PTPRD: variants seen among roughly 807,000 people sequenced by gnomAD.
The protein encoded by PTPRD is protein tyrosine phosphatase receptor type D.
Under a neutral mutation model 214.5 loss-of-function variants are expected in PTPRD, and 34 were observed. The observed-to-expected ratio is 0.16, with a 90% CI of 0.12 to 0.21. The LOEUF (loss-of-function observed/expected upper bound fraction) is 0.21, where lower values mean the gene tolerates loss of function less well. PTPRD is among the 10% of genes least tolerant of loss of function. PTPRD has a pLI of 1.00. For missense variants in PTPRD, 2,545 were observed against 2,398.7 expected, an observed-to-expected ratio of 1.06 and a Z score of -1.27; for synonymous variants, 1,128 against 845.7, an observed-to-expected ratio of 1.33 and a Z score of -5.79.
rs924580985 is a variant in PTPRD, at chr9:8,714,389, G to C, written c.64+19391C>G. ...TTGCAGACACTAGTCATATTCCTTT[G>C]AGCCTTGGCACAAGCTTTTTTTTCT... On this transcript the variant is annotated intron_variant, in intron 12 of 45. Coordinates refer to ENST00000381196, the MANE Select transcript of PTPRD (RefSeq NM_002839.4). 2.6e-5 allele frequency among the ~76,000 whole-genome samples: 4 copies of C among 151,304 alleles called. No individual in the cohort carries two copies. In the East Asian group the frequency reaches 7.8e-4, roughly 29 times the overall value.
At chr9:10,458,374 A>T (rs1367855135) in intron 2 of PTPRD, among the ~76,000 whole-genome samples, 1 of 152,182 alleles carries the variant, frequency 6.6e-6, no homozygotes, top group Non-Finnish European at 1.5e-5. Context: ...TCCTTATCTA[A>T]AAGGTTGTTT....
At chr9:8,524,228 C>T (rs999112296) in intron 18 of PTPRD, among the ~76,000 whole-genome samples, 5 of 152,142 alleles carry the variant, frequency 3.3e-5, no homozygotes, top group African/African-American at 1.2e-4. Context: ...CCTCATAATT[C>T]ATTCTTGTCT....
chr9:10,063,653 A>G (rs146640205), intron 3 of PTPRD, among the ~76,000 whole-genome samples: 3,148 of 152,140 alleles, frequency 0.021, 46 homozygotes, highest in Middle Eastern at 0.068. Context: ...GTACTTGATT[A>G]CAAATATACA....
At chr9:9,312,973 GGA>G (rs1278088356) in intron 9 of PTPRD, among the ~76,000 whole-genome samples, 1 of 152,056 alleles carries the variant, frequency 6.6e-6, no homozygotes, top group Non-Finnish European at 1.5e-5. Flanking sequence ...CATTACTCAT[GGA>G]TTGACACAAA....
At chr9:9,071,749 C>A (rs2099744053) in intron 10 of PTPRD, among the ~76,000 whole-genome samples, 1 of 152,066 alleles carries the variant, frequency 6.6e-6, no homozygotes, top group African/African-American at 2.4e-5. Flanking sequence ...AAAGAGAGGG[C>A]CCAGATAAGC....
At position 9,425,407 on chromosome 9, in the gene PTPRD, T is replaced by C. The variant is rs539776009; in HGVS notation, c.-236-27925A>G. Among the ~76,000 whole-genome samples, 456 of 51,926 alleles carry C rather than the reference T, an allele frequency of 8.8e-3. 14 individuals carry two copies. The highest frequency in any genetic ancestry group is 0.065 in the Admixed American group (343 of 5,306). The allele number at this position is 51,926 out of a possible 152,430, so 34.1% of individuals were successfully genotyped here. On this transcript the variant is annotated intron_variant, in intron 8 of 45. Transcript: ENST00000381196. ...CTTATACATTATATAATTTATAATA[T>C]AAAATATATAATATTATAATATCTT...
chr9:8,446,209 G>T (rs983381656), intron 34 of PTPRD, among the ~76,000 whole-genome samples: 2 of 152,132 alleles, frequency 1.3e-5, no homozygotes, highest in African/African-American at 4.8e-5. Context: ...CTGCATTTAA[G>T]GGTACAGTTC....
intron 11 of PTPRD, among the ~76,000 whole-genome samples, chr9:8,749,401 T>A (rs1402345782): frequency 6.6e-6 from 1 of 152,176 alleles, no homozygotes; most frequent in Non-Finnish European, 1.5e-5. Flanking sequence ...TTGGCCAGGC[T>A]GGTCTCAAAC....
Position 9,062,581 on chromosome 9 carries a change from TACC to T in PTPRD, c.-142-43849_-142-43847del, listed in dbSNP as rs1365688186. ...TTATCTATCTATCTATCTATCTATC[TACC>T]TACCTACCATCTATCTAACTATTTA... On this transcript the variant is annotated intron_variant, in intron 10 of 45. Transcript: ENST00000381196. Among the ~76,000 whole-genome samples the T allele has an allele frequency of 9.6e-3, 1,454 of 151,502 alleles. 25 individuals are homozygous for T. The highest frequency in any genetic ancestry group is 0.034 in the African/African-American group (1,381 of 41,072).
At chr9:8,522,713 G>C (rs761356817) in intron 19 of PTPRD, among the ~76,000 whole-genome samples, 1 of 152,178 alleles carries the variant, frequency 6.6e-6, no homozygotes, top group African/African-American at 2.4e-5. Context: ...TTTTGGATGT[G>C]ATACAAGGAG....
intron 6 of PTPRD, among the ~76,000 whole-genome samples, chr9:9,752,120 A>G (rs2098526409): frequency 6.6e-6 from 1 of 152,086 alleles, no homozygotes; most frequent in Non-Finnish European, 1.5e-5. Context: ...AGTGTGTGCT[A>G]ATTGTTTCAA....
intron 8 of PTPRD, among the ~76,000 whole-genome samples, chr9:9,423,415 T>TGATCTTGGACTTCTCAGCCTCAA (rs1268447811): frequency 1.3e-5 from 2 of 152,192 alleles, no homozygotes; most frequent in Non-Finnish European, 2.9e-5. Flanking sequence ...GCCAGCCTCT[T>TGATCTTGGACTTCTCAGCCTCAA]GATCTTGGAC....
chr9:10,550,525 C>A (rs148722612), intron 2 of PTPRD, among the ~76,000 whole-genome samples: 13 of 152,070 alleles, frequency 8.5e-5, no homozygotes, highest in Non-Finnish European at 1.5e-4. Flanking sequence ...TTTTGGAGAC[C>A]CTCTGAGGAG....
intron 3 of PTPRD, among the ~76,000 whole-genome samples, chr9:10,303,440 A>C (rs1030479625): frequency 6.7e-5 from 5 of 74,582 alleles, no homozygotes; most frequent in African/African-American, 5.3e-4. Flanking sequence ...TAGAAACACA[A>C]AAAAAAACCT....
intron 8 of PTPRD, among the ~76,000 whole-genome samples, chr9:9,567,191 T>A (rs1013025762): frequency 1.3e-5 from 2 of 151,952 alleles, no homozygotes; most frequent in African/African-American, 4.8e-5. Flanking sequence ...GTACCTTTTC[T>A]GTCAGTCAAA....
At chr9:10,053,748 G>A (rs899186600) in intron 3 of PTPRD, among the ~76,000 whole-genome samples, 2 of 151,924 alleles carry the variant, frequency 1.3e-5, no homozygotes, top group African/African-American at 4.8e-5. Context: ...TTCTGTATAG[G>A]ACATAGGATG....
chr9:9,794,389 A>C (rs551742957), intron 5 of PTPRD, among the ~76,000 whole-genome samples: 4 of 152,196 alleles, frequency 2.6e-5, no homozygotes, highest in African/African-American at 9.6e-5. Flanking sequence ...AAAAAACATG[A>C]GTAATATAGT....
intron 5 of PTPRD, among the ~76,000 whole-genome samples, chr9:9,821,322 A>G (rs2153573655): frequency 6.6e-6 from 1 of 152,270 alleles, no homozygotes; most frequent in South Asian, 2.1e-4. Context: ...TGAAATGTCA[A>G]ATGTAATTGA....
chr9:9,294,443 T>C (rs1952297024), intron 9 of PTPRD, among the ~76,000 whole-genome samples: 1 of 151,700 alleles, frequency 6.6e-6, no homozygotes, highest in Non-Finnish European at 1.5e-5. Context: ...TCCCTAAAAA[T>C]TCACATGTTG....
Sources: gnomAD v4.1 joint callset for allele counts (sites outside exome capture counted in the v4.1 genomes callset) on GRCh38, gnomAD v4.1.1 for gene constraint, MANE v1.5 for transcripts, NCBI Gene and HGNC (gene_info 2026-07-23, HGNC 2026-07-21) for gene names.